PLXDC2: variants seen among roughly 807,000 people sequenced by gnomAD.
The protein encoded by PLXDC2 is plexin domain containing 2.
A neutral mutation model predicts 68.9 loss-of-function variants in PLXDC2; 40 were observed. The ratio of observed to expected loss-of-function variants is 0.58; its 90% CI spans 0.45 to 0.76. The LOEUF is 0.76. Among genes scored for constraint, PLXDC2 ranks in the 30% least tolerant of loss-of-function variants. The pLI, the probability that PLXDC2 is intolerant of heterozygous loss-of-function variation, is 0.00. For synonymous variants in PLXDC2, 243 were observed against 234.2 expected (o/e 1.04, Z -0.34); for missense variants, 644 against 661.9 (o/e 0.97, Z 0.30).
intron 1 of PLXDC2, among the ~76,000 whole-genome samples, chr10:19,884,089 G>A (rs1002285317): frequency 5.3e-5 from 8 of 150,318 alleles, no homozygotes; most frequent in African/African-American, 2.0e-4. Flanking sequence ...TAGAGATGGG[G>A]TTTTGCCATG....
At chr10:20,214,083 A>C (rs74119513) in intron 10 of PLXDC2, among the ~76,000 whole-genome samples, 33,583 of 151,970 alleles carry the variant, frequency 0.22, 4,553 homozygotes, top group East Asian at 0.42. Context: ...TCATATCTAA[A>C]ATTAAATTTG....
chr10:19,821,665 G>T (rs940341189), intron 1 of PLXDC2, among the ~76,000 whole-genome samples: 3 of 152,202 alleles, frequency 2.0e-5, no homozygotes, highest in African/African-American at 7.2e-5. Context: ...TGAATGCCAC[G>T]TTGGGAGACT....
At chr10:20,078,239 A>G (rs1000725786) in intron 4 of PLXDC2, among the ~76,000 whole-genome samples, 1 of 152,082 alleles carries the variant, frequency 6.6e-6, no homozygotes. Flanking sequence ...AAAAATTAGC[A>G]GGGCATGGTG....
chr10:20,245,028 C>T (rs773532426), intron 12 of PLXDC2, among the ~76,000 whole-genome samples: 1 of 152,142 alleles, frequency 6.6e-6, no homozygotes, highest in Non-Finnish European at 1.5e-5. Flanking sequence ...GCAGGAGAAT[C>T]GCTTGAACCC....
At chr10:19,818,137 A>G (rs1193013585) in intron 1 of PLXDC2, among the ~76,000 whole-genome samples, 2 of 152,206 alleles carry the variant, frequency 1.3e-5, no homozygotes, top group East Asian at 3.8e-4. Flanking sequence ...GAAACGAGAG[A>G]AAAAGAAAAA....
chr10:19,891,147 C>T (rs891394551), intron 1 of PLXDC2, among the ~76,000 whole-genome samples: 2 of 152,088 alleles, frequency 1.3e-5, no homozygotes, highest in African/African-American at 4.8e-5. Flanking sequence ...TATAAGTACC[C>T]AGTTGAGGAG....
At chr10:20,100,522 A>G (rs566915779) in intron 4 of PLXDC2, among the ~76,000 whole-genome samples, 35 of 152,292 alleles carry the variant, frequency 2.3e-4, no homozygotes, top group Admixed American at 9.8e-4. Flanking sequence ...ATTTTGTGTA[A>G]TTCAGAAGAC....
intron 3 of PLXDC2, among the ~76,000 whole-genome samples, chr10:20,047,320 G>A (rs1835814362): frequency 6.6e-6 from 1 of 151,968 alleles, no homozygotes; most frequent in South Asian, 2.1e-4. Context: ...ATTATTTTTA[G>A]TTTTCTTATA....
intron 7 of PLXDC2, among the ~76,000 whole-genome samples, chr10:20,165,524 C>T (rs1834363148): frequency 6.6e-6 from 1 of 151,378 alleles, no homozygotes; most frequent in African/African-American, 2.4e-5. Flanking sequence ...TGAGAATATG[C>T]GGTGTTTGGT....
At chr10:19,970,908 C>A (rs76343221) in intron 1 of PLXDC2, among the ~76,000 whole-genome samples, 8 of 152,082 alleles carry the variant, frequency 5.3e-5, no homozygotes, top group African/African-American at 1.9e-4. Context: ...CATGTTCTTC[C>A]GTGGGAGTCT....
intron 1 of PLXDC2, among the ~76,000 whole-genome samples, chr10:19,915,986 A>G (rs16919551): frequency 0.2 from 30,512 of 151,852 alleles, 3,153 homozygotes; most frequent in African/African-American, 0.25. Context: ...CCTAACAGCC[A>G]GGTGGTGCTT....
chr10:19,875,585 T>C (rs974951613), intron 1 of PLXDC2, among the ~76,000 whole-genome samples: 1 of 152,180 alleles, frequency 6.6e-6, no homozygotes, highest in African/African-American at 2.4e-5. Flanking sequence ...AGGTGCTGTA[T>C]GGTGTGTGTG....
At chr10:20,223,113 A>C (rs1283220088) in intron 12 of PLXDC2, among the ~76,000 whole-genome samples, 1 of 152,042 alleles carries the variant, frequency 6.6e-6, no homozygotes, top group Non-Finnish European at 1.5e-5. Flanking sequence ...GCTACACCTA[A>C]ATTAACTCTT....
At chr10:19,886,284 A>G (rs1227587228) in intron 1 of PLXDC2, among the ~76,000 whole-genome samples, 1 of 152,148 alleles carries the variant, frequency 6.6e-6, no homozygotes, top group Non-Finnish European at 1.5e-5. Flanking sequence ...TAGATATACA[A>G]TCATGTCGTC....
chr10:19,916,635 T>G (rs1833372003), intron 1 of PLXDC2, among the ~76,000 whole-genome samples: 2 of 152,118 alleles, frequency 1.3e-5, no homozygotes, highest in African/African-American at 2.4e-5. Flanking sequence ...TTATTATTAT[T>G]ATCACCATTT....
At chr10:19,874,555 A>T (rs1837599198) in intron 1 of PLXDC2, among the ~76,000 whole-genome samples, 1 of 152,238 alleles carries the variant, frequency 6.6e-6, no homozygotes, top group Non-Finnish European at 1.5e-5. Flanking sequence ...CTAAGAGAAG[A>T]ATAAGTAAAA....
At chr10:20,247,801 TC>T (rs1439423918) in intron 13 of PLXDC2, among the ~76,000 whole-genome samples, 1 of 152,228 alleles carries the variant, frequency 6.6e-6, no homozygotes, top group Non-Finnish European at 1.5e-5. Flanking sequence ...GGAAAAACGT[TC>T]ATAATAAATA....
intron 1 of PLXDC2, among the ~76,000 whole-genome samples, chr10:19,894,822 G>C (rs763838579): frequency 1.3e-5 from 2 of 152,304 alleles, no homozygotes; most frequent in South Asian, 4.1e-4. Context: ...CTTTTACACT[G>C]TTGGTGGGAG....
At chr10:19,994,035 A>C (rs943362348) in intron 1 of PLXDC2, among the ~76,000 whole-genome samples, 9 of 151,964 alleles carry the variant, frequency 5.9e-5, no homozygotes, top group Non-Finnish European at 1.3e-4. Context: ...TCTTTTTTTC[A>C]TCTAGTTTCA....
Sources: allele counts gnomAD v4.1 joint callset (sites outside exome capture counted in the v4.1 genomes callset), GRCh38; gene constraint gnomAD v4.1.1; transcripts MANE v1.5; gene names NCBI Gene and HGNC (gene_info 2026-07-23, HGNC 2026-07-21).